The following CTC1 variants were observed in gnomAD, a reference collection of about 807,000 sequenced individuals.
The protein encoded by CTC1 is CST complex subunit CTC1.
A neutral mutation model predicts 136.3 loss-of-function variants in CTC1; 91 were observed. The ratio of observed to expected loss-of-function variants is 0.67; its 90% CI spans 0.56 to 0.79. CTC1 has a LOEUF of 0.79. Among genes scored for constraint, CTC1 ranks in the 30% least tolerant of loss-of-function variants. The probability of loss-of-function intolerance (pLI) is 0.00; values close to 1 mark genes in which losing one functional copy is unlikely to be tolerated. For missense variants in CTC1, 1,432 were observed against 1,498.1 expected (o/e 0.96, Z 0.73); for synonymous variants, 606 against 613.8 (o/e 0.99, Z 0.19).
chr17:8,247,177 G>A (rs138347025), intron 1 of CTC1, among the ~76,000 whole-genome samples: 1 of 151,122 alleles, frequency 6.6e-6, no homozygotes, highest in African/African-American at 2.4e-5. Flanking sequence ...TGCTTAGCAA[G>A]AGGTACAAAA....
At chr17:8,245,474 C>T (rs912855682) in intron 1 of CTC1, among the ~76,000 whole-genome samples, 3 of 152,166 alleles carry the variant, frequency 2.0e-5, no homozygotes, top group Middle Eastern at 3.4e-3. Flanking sequence ...CCGACTCTCA[C>T]GCTTTTTGTC....
chr17:8,240,011 C>T (rs896584202), intron 2 of CTC1, among the ~76,000 whole-genome samples: 1 of 152,088 alleles, frequency 6.6e-6, no homozygotes, highest in Admixed American at 6.6e-5. Flanking sequence ...CCTGTAAACA[C>T]CACCAATGGG....
In CTC1 at chr17:8,238,083, T is replaced by G. The variant is rs1221916551; in HGVS notation, c.595A>C (p.Thr199Pro). ...FPLTISPGPVTPIPVLYPESA... is the reference protein window; with the variant it reads ...FPLTISPGPVPPIPVLYPESA... The stretch of plus-strand genomic sequence containing the variant: ...TCTGGGTAGAGGACAGGGATAGGCG[T>G]GACGGGGCCAGGACTGATGGTCAAA... Residue 199 changes from threonine (T) to proline (P), a missense_variant, in exon 4 of 23, where the codon ACG (threonine) becomes CCG (proline). Coordinates refer to ENST00000651323, the MANE Select transcript of CTC1 (RefSeq NM_025099.6). 2 of 1,613,962 alleles carry G rather than the reference T, an allele frequency of 1.2e-6. No homozygotes were observed. Among genetic ancestry groups the G allele is most frequent in the Non-Finnish European group, 1.7e-6 (2 of 1,180,012 alleles).
At position 8,230,473 on chromosome 17, in the gene CTC1, AGAAG is replaced by A; in HGVS notation, c.2759-9_2759-6del. 6.2e-7 allele frequency: 1 copy of A among 1,613,842 alleles called. No homozygotes were observed. The highest frequency in any genetic ancestry group is 1.1e-5 in the South Asian group (1 of 91,066). ...TTCTCATGGCCCCCGTGTTCCCTAT[AGAAG>A]GAAGGTGGGTGTTAGTAGGATCTGT... On this transcript the variant is annotated splice_region_variant and splice_polypyrimidine_tract_variant and intron_variant, in intron 16 of 22. Transcript: ENST00000651323.
chr17:8,242,912 T>G (rs1256098187), intron 2 of CTC1, 73 bp downstream of exon 2: 10 of 1,411,756 alleles, frequency 7.1e-6, no homozygotes, highest in Non-Finnish European at 4.8e-6. Context: ...TTTCTAATTA[T>G]AGAACCTTAC....
chr17:8,228,158 T>C lies in CTC1; in HGVS notation c.*22A>G, dbSNP rs780090929. The C allele has an allele frequency of 1.3e-5, 21 of 1,609,164 alleles. No homozygotes were observed. In the South Asian group the frequency reaches 2.2e-4, roughly 17 times the overall value. On this transcript the variant is annotated 3_prime_UTR_variant, in exon 23 of 23. Coordinates refer to ENST00000651323, the MANE Select transcript of CTC1 (RefSeq NM_025099.6). The stretch of plus-strand genomic sequence containing the variant: ...TCAGGTTTTCAGCAAGGAAGGACTC[T>C]CAGGCCATCCTTGCAGTTCAGTTAA...
At chr17:8,236,451 C>T in intron 5 of CTC1, 109 bp from the exon 6 acceptor site, 1 of 1,097,578 alleles carries the variant, frequency 9.1e-7, no homozygotes, top group Non-Finnish European at 1.3e-6. Flanking sequence ...CTCTGTGAGT[C>T]TCAACTCACC....
chr17:8,240,376 G>A (rs1479464462), intron 2 of CTC1, among the ~76,000 whole-genome samples: 5 of 150,850 alleles, frequency 3.3e-5, no homozygotes, highest in South Asian at 2.1e-4. Flanking sequence ...GGCTGGTCTC[G>A]AACTCTTGAC....
At chr17:8,235,753 C>A in intron 7 of CTC1, 78 bp downstream of exon 7, 1 of 1,460,534 alleles carries the variant, frequency 6.8e-7, no homozygotes, top group South Asian at 1.4e-5. Flanking sequence ...TATAACCACC[C>A]TGCTGCAGAA....
chr17:8,229,184 G>T lies in CTC1; in HGVS notation c.3179C>A (p.Ser1060Tyr). The change falls in exon 20 of 23, where the codon TCC (serine) becomes TAC (tyrosine). Residue 1060 changes from serine (S) to tyrosine (Y), a missense_variant. Ser to Tyr is a moderately radical substitution (Grantham distance 144). Coordinates refer to ENST00000651323, the MANE Select transcript of CTC1 (RefSeq NM_025099.6). Reference sequence around the variant, plus strand: ...TATAGCTGTCTGCGTAGGGCAAGTGGAGCCCAGGCGAGTGCACTTTCCCTG... The same window carrying T: ...TATAGCTGTCTGCGTAGGGCAAGTGTAGCCCAGGCGAGTGCACTTTCCCTG... ...CRQGKCTRLGSTCPTQTAISQ... is the reference protein window; with the variant it reads ...CRQGKCTRLGYTCPTQTAISQ... 1.2e-6 allele frequency: 2 copies of T among 1,614,176 alleles called. No individual in the cohort carries two copies. Among genetic ancestry groups the T allele is most frequent in the Non-Finnish European group, 1.7e-6 (2 of 1,180,038 alleles).
In CTC1 at chr17:8,227,976, T is replaced by G; in HGVS notation, c.*204A>C. On this transcript the variant is annotated 3_prime_UTR_variant, in exon 23 of 23. Transcript: ENST00000651323. ...TGCCTTGTCCCAATCAGAGGACATA[T>G]TAATAGGGCCATGATTTCCTGTTGC... The G allele has an allele frequency of 1.8e-6, 1 of 551,080 alleles. No homozygotes were observed. The allele number at this position is 551,080 out of a possible 1,614,324, so 34.1% of individuals were successfully genotyped here.
chr17:8,230,748 C>T, intron 15 of CTC1, 97 bp from the exon 16 acceptor site: 2 of 999,622 alleles, frequency 2.0e-6, no homozygotes, highest in East Asian at 2.5e-5. Context: ...AAAGTATCTG[C>T]TAGAACTTCA....
Position 8,227,950 on chromosome 17 carries a change from G to A in CTC1, c.*230C>T, listed in dbSNP as rs1301532464. 1.9e-5 allele frequency: 9 copies of A among 472,364 alleles called. No individual in the cohort carries two copies. Among genetic ancestry groups the A allele is most frequent in the South Asian group, 8.9e-5 (3 of 33,860 alleles). 29.3% of individuals were successfully genotyped at this position (472,364 alleles called of 1,614,324 possible). A position where few individuals can be genotyped will look rare whatever the true frequency, so the allele number is the denominator to read the frequency against. ...TGCTCAGGGCCGCCTGTGAATGCAG[G>A]TGCCTTGTCCCAATCAGAGGACATA... On this transcript the variant is annotated 3_prime_UTR_variant, in exon 23 of 23. Transcript: ENST00000651323.
At position 8,229,984 on chromosome 17, in the gene CTC1, G is replaced by A. The variant is rs759449159; in HGVS notation, c.2934-16C>T. The stretch of plus-strand genomic sequence containing the variant: ...ATTGTGAGATCTGCAAGTGGAAGAG[G>A]AATAGTGAGTGACCAGGAAGACAAG... On this transcript the variant is annotated splice_polypyrimidine_tract_variant and intron_variant, in intron 17 of 22. Coordinates refer to ENST00000651323, the MANE Select transcript of CTC1 (RefSeq NM_025099.6). The A allele has an allele frequency of 9.3e-6, 15 of 1,612,930 alleles. No individual in the cohort carries two copies. The East Asian group carries it at 3.3e-4, about 36-fold the overall frequency.
In CTC1 at chr17:8,238,179, G is replaced by A. The variant is rs1436280744; in HGVS notation, c.499C>T (p.Pro167Ser). ...CCTGAGGAATTCCACCTGGCAGGAG[G>A]GAGGTAACTCCAACGGGGGAACAGA... is the stretch of plus-strand genomic sequence containing the variant. ...LFLFPRWSYL[P>S]PARWNSSGEG... Residue 167 changes from proline to serine, a missense_variant, in exon 4 of 23, where the codon CCT (proline) becomes TCT (serine). Coordinates refer to ENST00000651323, the MANE Select transcript of CTC1 (RefSeq NM_025099.6). 6.2e-7 allele frequency: 1 copy of A among 1,613,980 alleles called. No homozygotes were observed. Among genetic ancestry groups the A allele is most frequent in the Admixed American group, 1.7e-5 (1 of 60,010 alleles).
At chr17:8,239,122 A>G (rs1270587115) in intron 2 of CTC1, among the ~76,000 whole-genome samples, 1 of 151,864 alleles carries the variant, frequency 6.6e-6, no homozygotes, top group Non-Finnish European at 1.5e-5. Flanking sequence ...GAAAAAGAAA[A>G]TAAGGATGGG....
intron 10 of CTC1, 49 bp from the exon 11 acceptor site, chr17:8,233,081 T>C: frequency 3.8e-6 from 6 of 1,599,482 alleles, no homozygotes; most frequent in Non-Finnish European, 5.1e-6. Context: ...CAGCAAATAC[T>C]GAGCATCTAC....
rs1216165018 is a variant in CTC1 at position 8,231,975 on chromosome 17, C to G, written c.2313G>C (p.Gly771=). 1.8e-5 allele frequency: 29 copies of G among 1,610,554 alleles called. No homozygotes were observed. The highest frequency in any genetic ancestry group is 2.3e-5 in the Non-Finnish European group (27 of 1,178,360). Residue 771 remains glycine, a synonymous_variant, in exon 13 of 23, where the codon GGG becomes GGC. Coordinates refer to ENST00000651323, the MANE Select transcript of CTC1 (RefSeq NM_025099.6). ...CAGTACCCTCCTTCCTCTGGGTGCC[C>G]CCAAGCCAGCTCCCCAACACATAGA... ...LSFYVLGSWL[G]GTQRKEGTGW...
chr17:8,243,551 G>A (rs947187338), intron 1 of CTC1, among the ~76,000 whole-genome samples: 24 of 151,830 alleles, frequency 1.6e-4, no homozygotes, highest in African/African-American at 5.3e-4. Flanking sequence ...ATATCCAGAG[G>A]GCACATGAAA....
Sources: allele counts gnomAD v4.1 joint callset (sites outside exome capture counted in the v4.1 genomes callset), GRCh38; gene constraint gnomAD v4.1.1; transcripts MANE v1.5; gene names NCBI Gene and HGNC (gene_info 2026-07-23, HGNC 2026-07-21).